Variants in RNF150 observed in about 807,000 individuals in gnomAD.
RNF150 encodes the protein ring finger protein 150.
In RNF150, 24 loss-of-function variants were observed where a neutral mutation model predicts 39.3. The ratio of observed to expected loss-of-function variants is 0.61; its 90% CI spans 0.44 to 0.86. The LOEUF is 0.86. RNF150 is among the 40% of genes least tolerant of loss of function. RNF150 has a pLI of 0.00. For missense variants in RNF150, 502 were observed against 587.8 expected, an observed-to-expected ratio of 0.85 and a Z score of 1.51; for synonymous variants, 255 against 227.3, an observed-to-expected ratio of 1.12 and a Z score of -1.10.
chr4:141,164,680 C>T (rs1727570489), intron 1 of RNF150, among the ~76,000 whole-genome samples: 1 of 152,026 alleles, frequency 6.6e-6, no homozygotes, highest in African/African-American at 2.4e-5. Flanking sequence ...AATTTTAAAC[C>T]CAGAATTTCA....
rs748744814 is a variant in RNF150, at chr4:140,949,629, A to C, written c.736-257T>G. Reference sequence around the variant, plus strand: ...AAGCAAGTGCATGTGACATACATAGATCCTGCCCTACAGTTCTACAGTGCA... The same window carrying C: ...AAGCAAGTGCATGTGACATACATAGCTCCTGCCCTACAGTTCTACAGTGCA... On this transcript the variant is annotated intron_variant, in intron 2 of 6. Coordinates refer to ENST00000515673, the MANE Select transcript of RNF150 (RefSeq NM_020724.2). Among the ~76,000 whole-genome samples the C allele has an allele frequency of 2.6e-5, 4 of 151,844 alleles. No homozygotes were observed. In the East Asian group the frequency reaches 7.7e-4, roughly 29 times the overall value.
At chr4:140,931,945 A>G (rs1731654725) in intron 4 of RNF150, among the ~76,000 whole-genome samples, 1 of 152,060 alleles carries the variant, frequency 6.6e-6, no homozygotes, top group African/African-American at 2.4e-5. Flanking sequence ...TCCCTCCCCA[A>G]TTTAATGACA....
chr4:141,211,419 C>T (rs554546288), intron 1 of RNF150, among the ~76,000 whole-genome samples: 7 of 152,092 alleles, frequency 4.6e-5, no homozygotes, highest in African/African-American at 1.7e-4. Context: ...TAATTTAAGT[C>T]AATAATTATT....
At chr4:140,948,606 TA>T (rs34835798) in intron 3 of RNF150, among the ~76,000 whole-genome samples, 3 of 151,952 alleles carry the variant, frequency 2.0e-5, no homozygotes, top group East Asian at 3.9e-4. Context: ...GTTTTGATTT[TA>T]AAAAAAAATT....
intron 1 of RNF150, among the ~76,000 whole-genome samples, chr4:141,210,966 T>C (rs1728454212): frequency 6.6e-6 from 1 of 152,174 alleles, no homozygotes; most frequent in South Asian, 2.1e-4. Flanking sequence ...CTTTCTTCCC[T>C]TCCTCAATTT....
At chr4:140,966,816 C>T (rs1733261085) in intron 2 of RNF150, among the ~76,000 whole-genome samples, 1 of 152,146 alleles carries the variant, frequency 6.6e-6, no homozygotes, top group African/African-American at 2.4e-5. Context: ...ATTGCCCTGG[C>T]AACTAAACTT....
chr4:141,056,951 T>G (rs1736999654), intron 1 of RNF150, among the ~76,000 whole-genome samples: 1 of 152,144 alleles, frequency 6.6e-6, no homozygotes. Context: ...TGATTGATAA[T>G]AGTGTAGTTA....
chr4:141,203,311 T>C (rs1278415810), intron 1 of RNF150, among the ~76,000 whole-genome samples: 2 of 149,572 alleles, frequency 1.3e-5, no homozygotes, highest in East Asian at 2.0e-4. Context: ...CTTGGAGATA[T>C]ATAATCTTGG....
intron 1 of RNF150, among the ~76,000 whole-genome samples, chr4:140,999,697 G>A (rs1734503386): frequency 6.6e-6 from 1 of 151,976 alleles, no homozygotes; most frequent in Non-Finnish European, 1.5e-5. Context: ...CACTTTGGGA[G>A]GCCAAGGCAG....
At chr4:140,899,220 C>T (rs757313494) in intron 6 of RNF150, among the ~76,000 whole-genome samples, 4 of 152,274 alleles carry the variant, frequency 2.6e-5, no homozygotes, top group Admixed American at 6.5e-5. Context: ...CTGCAGAGGA[C>T]GTGCTTTGCC....
chr4:141,089,679 G>A (rs1294524469), intron 1 of RNF150, among the ~76,000 whole-genome samples: 1 of 152,150 alleles, frequency 6.6e-6, no homozygotes, highest in African/African-American at 2.4e-5. Context: ...AGGTACAGAA[G>A]ACCACTGGGA....
At chr4:141,052,675 C>T (rs1046596364) in intron 1 of RNF150, among the ~76,000 whole-genome samples, 12 of 152,104 alleles carry the variant, frequency 7.9e-5, no homozygotes, top group African/African-American at 2.2e-4. Context: ...CACACCCAGT[C>T]ACAACAAAAT....
At chr4:140,961,208 G>C (rs1489722023) in intron 2 of RNF150, among the ~76,000 whole-genome samples, 1 of 152,144 alleles carries the variant, frequency 6.6e-6, no homozygotes, top group African/African-American at 2.4e-5. Context: ...CTTGCTGGGA[G>C]GCTTATAATG....
At chr4:141,199,670 T>C (rs1162381689) in intron 1 of RNF150, among the ~76,000 whole-genome samples, 23 of 152,202 alleles carry the variant, frequency 1.5e-4, no homozygotes, top group Non-Finnish European at 1.5e-5. Context: ...GAACAGAGGA[T>C]TGGCAGAGGG....
At chr4:141,195,214 A>T (rs1206409036) in intron 1 of RNF150, among the ~76,000 whole-genome samples, 1 of 152,028 alleles carries the variant, frequency 6.6e-6, no homozygotes, top group Non-Finnish European at 1.5e-5. Context: ...CCCACTGGGG[A>T]TCCTGATGTA....
chr4:141,079,645 TG>T (rs1286263558), intron 1 of RNF150, among the ~76,000 whole-genome samples: 4 of 152,206 alleles, frequency 2.6e-5, no homozygotes, highest in Admixed American at 6.5e-5. Context: ...CAGACAGCAA[TG>T]GAAGAATGAT....
intron 1 of RNF150, among the ~76,000 whole-genome samples, chr4:141,083,156 TGGGGAACC>T (rs1198303966): frequency 7.2e-5 from 11 of 152,212 alleles, no homozygotes; most frequent in African/African-American, 2.4e-4. Context: ...TCATCACAGA[TGGGGAACC>T]AAATAATAGT....
rs72933018 is a variant in RNF150 at position 141,084,760 on chromosome 4, G to A, written c.484+47565C>T. ...AAAATTTGGGTTGGACAGTGTGGTA[G>A]ATTGTATTTGACAAATGTCATCACA... On this transcript the variant is annotated intron_variant, in intron 1 of 6. Coordinates refer to ENST00000515673, the MANE Select transcript of RNF150 (RefSeq NM_020724.2). Among the ~76,000 whole-genome samples the A allele has an allele frequency of 9.2e-3, 1,404 of 152,304 alleles. 29 individuals carry two copies. Among genetic ancestry groups the A allele is most frequent in the African/African-American group, 0.032 (1,342 of 41,562 alleles).
chr4:141,160,934 G>C (rs1727499757), intron 1 of RNF150, among the ~76,000 whole-genome samples: 1 of 152,178 alleles, frequency 6.6e-6, no homozygotes, highest in Admixed American at 6.5e-5. Flanking sequence ...ATATCAATGA[G>C]AGAGTGGCCT....
Sources: gnomAD v4.1 joint callset for allele counts (sites outside exome capture counted in the v4.1 genomes callset) on GRCh38, gnomAD v4.1.1 for gene constraint, MANE v1.5 for transcripts, NCBI Gene and HGNC (gene_info 2026-07-23, HGNC 2026-07-21) for gene names.